DPP3: variants seen among roughly 807,000 people sequenced by gnomAD.
The protein encoded by DPP3 is DPP III.
DPP3 carries 64 observed loss-of-function variants against 89.8 expected under a neutral mutation model. The ratio of observed to expected loss-of-function variants is 0.71; its 90% CI spans 0.58 to 0.88. The LOEUF is 0.88. Ranked by LOEUF, DPP3 falls within the 40% of genes least tolerant of loss-of-function variation. The pLI is 0.00. For synonymous variants in DPP3, 377 were observed against 404.3 expected (o/e 0.93, Z 0.81); for missense variants, 835 against 972.5 (o/e 0.86, Z 1.88).
chr11:66,488,178 G>T (rs937736704), intron 6 of DPP3, among the ~76,000 whole-genome samples, 171 bp downstream of exon 6: 10 of 152,300 alleles, frequency 6.6e-5, no homozygotes, highest in African/African-American at 2.4e-4. Flanking sequence ...TCCCCTATTT[G>T]TCTGTGAACC....
At chr11:66,508,556 A>C (rs1208704856) in intron 17 of DPP3, among the ~76,000 whole-genome samples, 2 of 152,020 alleles carry the variant, frequency 1.3e-5, no homozygotes, top group Non-Finnish European at 2.9e-5. Context: ...GTGGAATCTC[A>C]CTGTCACCCA....
At chr11:66,484,823 G>A (rs1855178383) in intron 2 of DPP3, among the ~76,000 whole-genome samples, 1 of 152,180 alleles carries the variant, frequency 6.6e-6, no homozygotes, top group African/African-American at 2.4e-5. Context: ...AGAGGCTGAG[G>A]ACAGGCTCTG....
chr11:66,503,716 T>C (rs1394610963), intron 16 of DPP3, among the ~76,000 whole-genome samples: 1 of 152,158 alleles, frequency 6.6e-6, no homozygotes, highest in Non-Finnish European at 1.5e-5. Context: ...TGAAATCCCA[T>C]CTCTACTAAA....
Position 66,484,890 on chromosome 11 carries a change from G to A in DPP3, c.271-283G>A, listed in dbSNP as rs1312496926. ...CTTAAAGGACACAGTAGCTTCAGGT[G>A]GCTGAGAGGGTGCTGGGGTGGGGAG... On this transcript the variant is annotated intron_variant, in intron 2 of 17. Coordinates refer to ENST00000531863, the MANE Select transcript of DPP3 (RefSeq NM_130443.4). Among the ~76,000 whole-genome samples the A allele has an allele frequency of 2.0e-5, 3 of 152,188 alleles. No homozygotes were observed. The South Asian group carries it at 6.2e-4, about 32-fold the overall frequency.
intron 17 of DPP3, among the ~76,000 whole-genome samples, chr11:66,507,193 C>T (rs993881038): frequency 6.6e-6 from 1 of 151,986 alleles, no homozygotes; most frequent in East Asian, 1.9e-4. Flanking sequence ...GGGGGCCGGG[C>T]GCGGTGACTC....
At chr11:66,492,416 G>A (rs1014530084) in intron 9 of DPP3, 2 of 334,820 alleles carry the variant, frequency 6.0e-6, no homozygotes, top group Non-Finnish European at 1.1e-5. Flanking sequence ...GCCTGCTAAA[G>A]CTGGAGAGAT....
chr11:66,508,172 A>G (rs2134758869), intron 17 of DPP3, among the ~76,000 whole-genome samples: 1 of 152,330 alleles, frequency 6.6e-6, no homozygotes, highest in South Asian at 2.1e-4. Flanking sequence ...TTGTGATGTC[A>G]TGGAACACGA....
At chr11:66,480,866 C>T (rs1855058120) in intron 1 of DPP3, 1 of 177,382 alleles carries the variant, frequency 5.6e-6, no homozygotes, top group Non-Finnish European at 1.2e-5. Flanking sequence ...TTGTGAACTT[C>T]TGTGGCTTCC....
At chr11:66,493,315 C>G in intron 11 of DPP3, 136 bp downstream of exon 11, 1 of 862,116 alleles carries the variant, frequency 1.2e-6, no homozygotes, top group Non-Finnish European at 1.8e-6. Flanking sequence ...ACCATGTGAC[C>G]GTGTGGACTT....
At position 66,503,144 on chromosome 11, in the gene DPP3, T is replaced by A. The variant is rs191333587; in HGVS notation, c.1879-1468T>A. Among the ~76,000 whole-genome samples, 17 of 151,804 alleles carry A rather than the reference T, an allele frequency of 1.1e-4. No individual in the cohort carries two copies. In the East Asian group the frequency reaches 3.3e-3, roughly 30 times the overall value. On this transcript the variant is annotated intron_variant, in intron 16 of 17. Coordinates refer to ENST00000531863, the MANE Select transcript of DPP3 (RefSeq NM_130443.4). ...CATCAAACCTGGCTAGTTTTTATAT[T>A]TTTGTAGAGACAGGGTTTCACCATG...
At position 66,492,804 on chromosome 11, in the gene DPP3, G is replaced by T; in HGVS notation, c.1077G>T (p.Trp359Cys). The T allele has an allele frequency of 6.2e-7, 1 of 1,614,020 alleles. No homozygotes were observed. The highest frequency in any genetic ancestry group is 8.5e-7 in the Non-Finnish European group (1 of 1,179,980). The change falls in exon 10 of 18, where the codon TGG becomes TGT. Residue 359 changes from tryptophan (W) to cysteine (C), a missense_variant. Physicochemically the swap from Trp to Cys is radical, Grantham distance 215. Coordinates refer to ENST00000531863, the MANE Select transcript of DPP3 (RefSeq NM_130443.4). Reference protein sequence around the residue: ...SAEQLLKELPWPPTFEKDKFL... With the variant: ...SAEQLLKELPCPPTFEKDKFL... ...AGCAGCTGCTGAAGGAGCTGCCCTGGCCCCCAACCTTTGAGAAGGACAAGT... is the reference window on the plus strand; with the variant it reads ...AGCAGCTGCTGAAGGAGCTGCCCTGTCCCCCAACCTTTGAGAAGGACAAGT...
At chr11:66,492,968 C>T (rs927278056) in intron 10 of DPP3, 58 bp downstream of exon 10, 14 of 1,599,174 alleles carry the variant, frequency 8.8e-6, no homozygotes, top group Non-Finnish European at 1.2e-5. Flanking sequence ...AGTCGCCCCT[C>T]CCTGTCCACA....
chr11:66,507,293 C>T (rs900916714), intron 17 of DPP3, among the ~76,000 whole-genome samples: 1 of 151,952 alleles, frequency 6.6e-6, no homozygotes, highest in African/African-American at 2.4e-5. Flanking sequence ...CGGTGAAACC[C>T]CGTCTCTACT....
At chr11:66,488,901 G>A (rs1292516779) in intron 6 of DPP3, among the ~76,000 whole-genome samples, 1 of 152,034 alleles carries the variant, frequency 6.6e-6, no homozygotes, top group Non-Finnish European at 1.5e-5. Flanking sequence ...GCCCAGGCTG[G>A]AGTGCCCAGG....
intron 16 of DPP3, among the ~76,000 whole-genome samples, chr11:66,501,854 T>A (rs902304749): frequency 1.4e-5 from 2 of 145,268 alleles, no homozygotes; most frequent in African/African-American, 5.1e-5. Context: ...GGCAAGAACT[T>A]AATATATGAT....
At chr11:66,490,430 C>G (rs1244736284) in intron 6 of DPP3, among the ~76,000 whole-genome samples, 2 of 152,214 alleles carry the variant, frequency 1.3e-5, no homozygotes, top group Non-Finnish European at 2.9e-5. Context: ...AACCTGCTTC[C>G]TTGCCTTTTC....
intron 16 of DPP3, among the ~76,000 whole-genome samples, chr11:66,502,710 C>T (rs1161720271): frequency 2.6e-5 from 4 of 152,198 alleles, no homozygotes; most frequent in South Asian, 2.1e-4. Flanking sequence ...GTGATCCACC[C>T]GCCTCGGCCT....
At chr11:66,484,203 C>T (rs1855162363) in intron 2 of DPP3, among the ~76,000 whole-genome samples, 1 of 152,144 alleles carries the variant, frequency 6.6e-6, no homozygotes, top group Admixed American at 6.6e-5. Flanking sequence ...GTCTCAATCT[C>T]CTGACCTCGT....
rs35196491 is a variant in DPP3 at position 66,501,825 on chromosome 11, C to CAAAAAAAAAAAAAAA, written c.1879-2786_1879-2772dup. 1.1e-3 allele frequency among the ~76,000 whole-genome samples: 97 copies of CAAAAAAAAAAAAAAA among 84,444 alleles called. 1 individual carries two copies. Among genetic ancestry groups the CAAAAAAAAAAAAAAA allele is most frequent in the African/African-American group, 4.3e-3 (92 of 21,204 alleles). 55.4% of individuals were successfully genotyped at this position (84,444 alleles called of 152,430 possible). A position where few individuals can be genotyped will look rare whatever the true frequency, so the allele number is the denominator to read the frequency against. On this transcript the variant is annotated intron_variant, in intron 16 of 17. Transcript: ENST00000531863. ...GGGTAATAGACTGAGACTTTGTCTC[C>CAAAAAAAAAAAAAAA]AAAAAAAAAAAAAAAGCAGGCAAGA...
Sources: allele counts gnomAD v4.1 joint callset (sites outside exome capture counted in the v4.1 genomes callset), GRCh38; gene constraint gnomAD v4.1.1; transcripts MANE v1.5; gene names NCBI Gene and HGNC (gene_info 2026-07-23, HGNC 2026-07-21).